Variants in CCDC85A observed in about 807,000 individuals in gnomAD.
CCDC85A encodes coiled-coil domain-containing protein 85A.
A neutral mutation model predicts 50.2 loss-of-function variants in CCDC85A; 38 were observed. That is an observed-to-expected ratio of 0.76 (90% CI 0.58 to 0.99). CCDC85A has a LOEUF of 0.99. CCDC85A is among the 50% of genes least tolerant of loss of function. The pLI is 0.00. For synonymous variants in CCDC85A, 366 were observed against 301.4 expected, an observed-to-expected ratio of 1.21 and a Z score of -2.22; for missense variants, 820 against 742.0, an observed-to-expected ratio of 1.11 and a Z score of -1.22.
intron 2 of CCDC85A, among the ~76,000 whole-genome samples, chr2:56,307,327 A>G (rs948525558): frequency 2.0e-5 from 3 of 151,784 alleles, no homozygotes; most frequent in South Asian, 2.1e-4. Flanking sequence ...ATTATCATAT[A>G]TGCTTTTTTT....
At chr2:56,373,736 G>T (rs986440497) in intron 4 of CCDC85A, among the ~76,000 whole-genome samples, 3 of 152,216 alleles carry the variant, frequency 2.0e-5, no homozygotes, top group African/African-American at 7.2e-5. Context: ...ATATGGCACT[G>T]CAATGGTGGG....
rs17047587 is a variant in CCDC85A at position 56,209,303 on chromosome 2, T to C, written c.1240+15863T>C. On this transcript the variant is annotated intron_variant, in intron 2 of 5. Coordinates refer to ENST00000407595, the MANE Select transcript of CCDC85A (RefSeq NM_001080433.2). ...TGTGACTTCTTTTCTGTGCTCCTTA[T>C]AAAGAAAATTAAAACAAACAGACAA... Among the ~76,000 whole-genome samples the C allele has an allele frequency of 9.9e-3, 1,504 of 152,082 alleles. 27 individuals are homozygous for C. The highest frequency in any genetic ancestry group is 0.034 in the African/African-American group (1,413 of 41,494).
intron 2 of CCDC85A, among the ~76,000 whole-genome samples, chr2:56,258,713 G>T (rs1414633713): frequency 6.6e-6 from 1 of 152,236 alleles, no homozygotes; most frequent in Admixed American, 6.5e-5. Flanking sequence ...CATAAAGTTA[G>T]ATCTTTGCAA....
intron 2 of CCDC85A, among the ~76,000 whole-genome samples, chr2:56,320,696 A>G (rs1352997196): frequency 6.6e-6 from 1 of 152,334 alleles, no homozygotes; most frequent in Admixed American, 6.5e-5. Context: ...TTCACAGCTG[A>G]ATTCTACCAG....
At chr2:56,266,294 G>C in intron 2 of CCDC85A, among the ~76,000 whole-genome samples, 1 of 152,170 alleles carries the variant, frequency 6.6e-6, no homozygotes, top group Non-Finnish European at 1.5e-5. Context: ...AAAGAATGTG[G>C]TGTGCTGGTA....
At chr2:56,369,959 C>A (rs1210519569) in intron 3 of CCDC85A, among the ~76,000 whole-genome samples, 2 of 152,076 alleles carry the variant, frequency 1.3e-5, no homozygotes, top group Non-Finnish European at 2.9e-5. Flanking sequence ...TCTTCATATT[C>A]TTTTATGATT....
Position 56,184,640 on chromosome 2 carries a change from G to A in CCDC85A, c.16G>A (p.Gly6Arg), listed in dbSNP as rs1223940817. The A allele has an allele frequency of 5.6e-6, 8 of 1,435,312 alleles. No homozygotes were observed. In the African/African-American group the frequency reaches 1.1e-4, roughly 19 times the overall value. The allele number at this position is 1,435,312 out of a possible 1,614,324, so 88.9% of individuals were successfully genotyped here. Residue 6 changes from glycine to arginine, a missense_variant, in exon 1 of 6, where the codon GGA becomes AGA. Transcript: ENST00000407595. MSKAA[G>R]GAAAAAAAAE... ...CGCGGATACCATGTCGAAGGCGGCC[G>A]GAGGCGCGGCGGCGGCTGCGGCGGC... is the stretch of plus-strand genomic sequence containing the variant.
intron 2 of CCDC85A, among the ~76,000 whole-genome samples, chr2:56,310,532 A>T (rs192853735): frequency 5.3e-5 from 8 of 152,272 alleles, no homozygotes; most frequent in Admixed American, 3.3e-4. Context: ...GACCACAGTG[A>T]TGATTATATA....
intron 2 of CCDC85A, among the ~76,000 whole-genome samples, chr2:56,306,892 T>A (rs1330759666): frequency 6.6e-6 from 1 of 152,198 alleles, no homozygotes; most frequent in Non-Finnish European, 1.5e-5. Context: ...GAGTTAATTT[T>A]TTTTTTCTAG....
chr2:56,299,502 T>G (rs542109442), intron 2 of CCDC85A, among the ~76,000 whole-genome samples: 4 of 152,238 alleles, frequency 2.6e-5, no homozygotes, highest in African/African-American at 9.6e-5. Flanking sequence ...CCAGACGTCT[T>G]TTGTTTCCTA....
intron 2 of CCDC85A, among the ~76,000 whole-genome samples, chr2:56,336,144 C>A (rs1216730445): frequency 1.3e-5 from 2 of 151,948 alleles, no homozygotes; most frequent in African/African-American, 2.4e-5. Flanking sequence ...CATATACACT[C>A]TTTATTTATT....
At chr2:56,355,030 C>A (rs575743101) in intron 3 of CCDC85A, among the ~76,000 whole-genome samples, 1 of 152,158 alleles carries the variant, frequency 6.6e-6, no homozygotes, top group Non-Finnish European at 1.5e-5. Flanking sequence ...GGGAGCTGTT[C>A]CCCCATCAGG....
intron 2 of CCDC85A, among the ~76,000 whole-genome samples, chr2:56,267,765 T>A (rs1196815412): frequency 6.6e-6 from 1 of 152,202 alleles, no homozygotes; most frequent in Admixed American, 6.5e-5. Context: ...TATTTTGAAC[T>A]TCTGAATAGA....
At position 56,270,039 on chromosome 2, in the gene CCDC85A, C is replaced by T. The variant is rs116797520; in HGVS notation, c.1241-72840C>T. 4.9e-3 allele frequency among the ~76,000 whole-genome samples: 745 copies of T among 152,156 alleles called. 6 individuals are homozygous for T. The highest frequency in any genetic ancestry group is 0.017 in the African/African-American group (718 of 41,504). ...TCAGATTCATTTTGTGTAGAAATAG[C>T]CTGTCAAATACACCCTACCTGTTTT... is the stretch of plus-strand genomic sequence containing the variant. On this transcript the variant is annotated intron_variant, in intron 2 of 5. Coordinates refer to ENST00000407595, the MANE Select transcript of CCDC85A (RefSeq NM_001080433.2).
intron 2 of CCDC85A, among the ~76,000 whole-genome samples, chr2:56,316,156 T>C (rs1672912099): frequency 6.6e-6 from 1 of 152,122 alleles, no homozygotes; most frequent in African/African-American, 2.4e-5. Context: ...GCTGAGATTA[T>C]ACATTTCAAA....
chr2:56,356,717 T>G (rs1283750204), intron 3 of CCDC85A, among the ~76,000 whole-genome samples: 1 of 133,196 alleles, frequency 7.5e-6, no homozygotes, highest in Non-Finnish European at 1.6e-5. Context: ...AGAACTTTTT[T>G]TTTCCATCTC....
intron 2 of CCDC85A, among the ~76,000 whole-genome samples, chr2:56,217,887 T>C (rs1043046021): frequency 3.9e-5 from 6 of 151,996 alleles, no homozygotes; most frequent in African/African-American, 1.4e-4. Flanking sequence ...ATTATCTCTT[T>C]CTTAATTAGG....
chr2:56,298,697 T>A (rs758515628), intron 2 of CCDC85A, among the ~76,000 whole-genome samples: 2 of 152,182 alleles, frequency 1.3e-5, no homozygotes, highest in Non-Finnish European at 2.9e-5. Flanking sequence ...TGTGATGACA[T>A]CACTAATCTA....
At chr2:56,370,024 G>A (rs930569752) in intron 3 of CCDC85A, among the ~76,000 whole-genome samples, 3 of 152,004 alleles carry the variant, frequency 2.0e-5, no homozygotes, top group African/African-American at 7.2e-5. Flanking sequence ...TCACACAATG[G>A]GAGTGTTAGG....
Sources: allele counts gnomAD v4.1 joint callset (sites outside exome capture counted in the v4.1 genomes callset), GRCh38; gene constraint gnomAD v4.1.1; transcripts MANE v1.5; gene names NCBI Gene and HGNC (gene_info 2026-07-23, HGNC 2026-07-21).